Variants in ARFGEF1 observed in about 807,000 individuals in gnomAD.
ARFGEF1 encodes ARF guanine nucleotide exchange factor 1.
A neutral mutation model predicts 231.0 loss-of-function variants in ARFGEF1; 42 were observed. The observed-to-expected ratio is 0.18, with a 90% CI of 0.14 to 0.24. The LOEUF (loss-of-function observed/expected upper bound fraction) is 0.24. ARFGEF1 is among the 10% of genes least tolerant of loss of function. The probability of loss-of-function intolerance (pLI) is 1.00; values close to 1 mark genes in which losing one functional copy is unlikely to be tolerated. For synonymous variants in ARFGEF1, 710 were observed against 732.3 expected, an observed-to-expected ratio of 0.97 and a Z score of 0.49; for missense variants, 1,345 against 2,192.0, an observed-to-expected ratio of 0.61 and a Z score of 7.72.
chr8:67,212,953 C>T (rs1838803238), intron 33 of ARFGEF1, among the ~76,000 whole-genome samples: 3 of 152,086 alleles, frequency 2.0e-5, no homozygotes, highest in Admixed American at 2.0e-4. Context: ...ATTTAAAAAC[C>T]TTGCTCTGTA....
At chr8:67,299,163 G>T in intron 4 of ARFGEF1, 46 bp downstream of exon 4, 1 of 1,439,174 alleles carries the variant, frequency 6.9e-7, no homozygotes, top group South Asian at 1.4e-5. Context: ...TCTGAATTTT[G>T]AAGATACAGA....
At chr8:67,235,711 A>T (rs1451411903) in intron 22 of ARFGEF1, among the ~76,000 whole-genome samples, 8 of 151,930 alleles carry the variant, frequency 5.3e-5, no homozygotes, top group Non-Finnish European at 7.4e-5. Context: ...ACTTTAATTT[A>T]AAAAAAAGTT....
chr8:67,225,286 C>T (rs186143027), intron 28 of ARFGEF1, among the ~76,000 whole-genome samples: 3 of 152,244 alleles, frequency 2.0e-5, no homozygotes, highest in African/African-American at 7.2e-5. Flanking sequence ...CAACTGTCAC[C>T]AGCTTTCTGC....
At chr8:67,314,680 C>G (rs1807223269) in intron 1 of ARFGEF1, among the ~76,000 whole-genome samples, 1 of 152,104 alleles carries the variant, frequency 6.6e-6, no homozygotes, top group Non-Finnish European at 1.5e-5. Flanking sequence ...TTCAGAGGGT[C>G]TGTGGGTCCT....
At chr8:67,314,381 T>C (rs557632288) in intron 1 of ARFGEF1, among the ~76,000 whole-genome samples, 1 of 152,294 alleles carries the variant, frequency 6.6e-6, no homozygotes, top group South Asian at 2.1e-4. Flanking sequence ...AACCTCCTGA[T>C]GGATCCCTGT....
rs34297561 is a variant in ARFGEF1, at chr8:67,236,365, AAT to A, written c.3289+1976_3289+1977del. 6.8e-3 allele frequency among the ~76,000 whole-genome samples: 198 copies of A among 29,020 alleles called. 1 individual carries two copies. The highest frequency in any genetic ancestry group is 8.7e-3 in the South Asian group (5 of 574). The allele number at this position is 29,020 out of a possible 152,430, so 19.0% of individuals were successfully genotyped here. A position where few individuals can be genotyped will look rare whatever the true frequency, so the allele number is the denominator to read the frequency against. On this transcript the variant is annotated intron_variant, in intron 22 of 38. Coordinates refer to ENST00000262215, the MANE Select transcript of ARFGEF1 (RefSeq NM_006421.5). ...GATATTAGTTAAAAAAAAAAAAAAAAATATATATATATATATATATATATATA... is the reference window on the plus strand; with the variant it reads ...GATATTAGTTAAAAAAAAAAAAAAAAATATATATATATATATATATATATA...
At chr8:67,302,505 GAC>G in intron 1 of ARFGEF1, 39 bp from the exon 2 acceptor site, 1 of 1,485,936 alleles carries the variant, frequency 6.7e-7, no homozygotes, top group African/African-American at 1.4e-5. Context: ...TAGAAAACTG[GAC>G]AGCAGAAAGA....
chr8:67,336,995 G>A lies in ARFGEF1; in HGVS notation c.124+6169C>T, dbSNP rs146521606. Among the ~76,000 whole-genome samples the A allele has an allele frequency of 9.1e-3, 1,385 of 152,090 alleles. 54 individuals carry two copies. The highest frequency in any genetic ancestry group is 0.038 in the South Asian group (182 of 4,830). On this transcript the variant is annotated intron_variant, in intron 1 of 38. Coordinates refer to ENST00000262215, the MANE Select transcript of ARFGEF1 (RefSeq NM_006421.5). The stretch of plus-strand genomic sequence containing the variant: ...AATACAAAAAAAATCAGCCGGGCGC[G>A]GTAGCGCTACACGAGATTAGCTACT...
At chr8:67,314,038 C>T (rs759909926) in intron 1 of ARFGEF1, among the ~76,000 whole-genome samples, 44 of 151,980 alleles carry the variant, frequency 2.9e-4, no homozygotes, top group Non-Finnish European at 5.3e-4. Flanking sequence ...AGGTTGTCAG[C>T]GAAGTGGGGG....
rs1458769360 is a variant in ARFGEF1, at chr8:67,343,673, A to G, written c.-386T>C. 7.5e-6 allele frequency: 7 copies of G among 934,802 alleles called. No individual in the cohort carries two copies. Among genetic ancestry groups the G allele is most frequent in the African/African-American group, 1.8e-5 (1 of 56,300 alleles). The allele number at this position is 934,802 out of a possible 1,614,324, so 57.9% of individuals were successfully genotyped here. A position where few individuals can be genotyped will look rare whatever the true frequency, so the allele number is the denominator to read the frequency against. On this transcript the variant is annotated 5_prime_UTR_variant, in exon 1 of 39. Transcript: ENST00000262215. Reference sequence around the variant, plus strand: ...CGAGGTGGCGGCGGCTCTCAGAGGCACCGCGAGAGAAGGGCTACCCTGGCT... The same window carrying G: ...CGAGGTGGCGGCGGCTCTCAGAGGCGCCGCGAGAGAAGGGCTACCCTGGCT...
intron 1 of ARFGEF1, among the ~76,000 whole-genome samples, chr8:67,310,422 G>A (rs1472706710): frequency 2.0e-5 from 3 of 152,206 alleles, no homozygotes; most frequent in Admixed American, 6.5e-5. Flanking sequence ...AGGCTGGAGT[G>A]CAGTGGCGTG....
At chr8:67,293,384 A>G (rs1001476925) in intron 5 of ARFGEF1, among the ~76,000 whole-genome samples, 1 of 152,144 alleles carries the variant, frequency 6.6e-6, no homozygotes, top group Admixed American at 6.5e-5. Context: ...AACTTAATAA[A>G]AAGTCTGTTA....
At chr8:67,267,753 A>G (rs1356619024) in intron 10 of ARFGEF1, among the ~76,000 whole-genome samples, 2 of 152,230 alleles carry the variant, frequency 1.3e-5, no homozygotes, top group African/African-American at 4.8e-5. Context: ...TTTACAGAAT[A>G]TAACTTACGC....
intron 37 of ARFGEF1, among the ~76,000 whole-genome samples, chr8:67,200,863 G>A (rs1023345564): frequency 6.6e-6 from 1 of 152,188 alleles, no homozygotes; most frequent in Non-Finnish European, 1.5e-5. Flanking sequence ...TGACCCTTGT[G>A]AGGCCCTAGA....
intron 21 of ARFGEF1, 61 bp from the exon 22 acceptor site, chr8:67,238,554 T>C: frequency 6.6e-7 from 1 of 1,511,082 alleles, no homozygotes; most frequent in Non-Finnish European, 8.9e-7. Context: ...CAAAAAGATT[T>C]AAATATATGC....
At chr8:67,306,082 T>C (rs1268666647) in intron 1 of ARFGEF1, among the ~76,000 whole-genome samples, 1 of 152,216 alleles carries the variant, frequency 6.6e-6, no homozygotes, top group Non-Finnish European at 1.5e-5. Flanking sequence ...ACTTTCACCT[T>C]TTCACCTAAA....
At chr8:67,208,629 C>CAAA (rs1226322166) in intron 34 of ARFGEF1, among the ~76,000 whole-genome samples, 1,574 of 50,470 alleles carry the variant, frequency 0.031, 68 homozygotes, top group African/African-American at 0.088. Flanking sequence ...GACTCCATCT[C>CAAA]AAAAAAAAAA....
At chr8:67,210,283 G>A (rs148452739) in intron 34 of ARFGEF1, among the ~76,000 whole-genome samples, 1 of 151,640 alleles carries the variant, frequency 6.6e-6, no homozygotes, top group Non-Finnish European at 1.5e-5. Flanking sequence ...TTCAAGATCA[G>A]CCTGGGCAAC....
intron 1 of ARFGEF1, among the ~76,000 whole-genome samples, chr8:67,317,914 A>G (rs1460444576): frequency 6.7e-6 from 1 of 150,310 alleles, no homozygotes; most frequent in African/African-American, 2.5e-5. Context: ...AAAAAAAAAA[A>G]AAAGTCAACC....
Sources: allele counts gnomAD v4.1 joint callset (sites outside exome capture counted in the v4.1 genomes callset), GRCh38; gene constraint gnomAD v4.1.1; transcripts MANE v1.5; gene names NCBI Gene and HGNC (gene_info 2026-07-23, HGNC 2026-07-21).